Variants in STYK1 observed in about 807,000 individuals in gnomAD.
The protein encoded by STYK1 is tyrosine-protein kinase STYK1.
In STYK1, 46 loss-of-function variants were observed where a neutral mutation model predicts 48.1. The ratio of observed to expected loss-of-function variants is 0.96; its 90% CI spans 0.75 to 1.22. The LOEUF (loss-of-function observed/expected upper bound fraction) is 1.22. STYK1 is among the 50% of genes most tolerant of loss of function. STYK1 has a pLI of 0.00. For synonymous variants in STYK1, 188 were observed against 189.0 expected, an observed-to-expected ratio of 0.99 and a Z score of 0.04; for missense variants, 527 against 521.1, an observed-to-expected ratio of 1.01 and a Z score of -0.11.
intron 10 of STYK1, among the ~76,000 whole-genome samples, chr12:10,621,064 TATC>T (rs1591671832): frequency 6.6e-6 from 1 of 152,314 alleles, no homozygotes; most frequent in East Asian, 1.9e-4. Flanking sequence ...AGTAATTATT[TATC>T]ATAAGGAAAA....
intron 10 of STYK1, 78 bp from the exon 11 acceptor site, chr12:10,620,426 T>C: frequency 7.4e-7 from 1 of 1,347,654 alleles, no homozygotes; most frequent in Admixed American, 1.8e-5. Flanking sequence ...CTCACAAACT[T>C]TAACAAACAA....
At chr12:10,622,395 G>T (rs1228632802) in intron 9 of STYK1, among the ~76,000 whole-genome samples, 1 of 152,112 alleles carries the variant, frequency 6.6e-6, no homozygotes. Context: ...ATATTTTGGG[G>T]AAAATAAAGA....
Position 10,619,831 on chromosome 12 carries a change from G to A in STYK1, c.*313C>T. On this transcript the variant is annotated 3_prime_UTR_variant, in exon 11 of 11. Coordinates refer to ENST00000075503, the MANE Select transcript of STYK1 (RefSeq NM_018423.3). Reference sequence around the variant, plus strand: ...AGAGGAAACTAGCCTCGGACGGGAGGGATGAGCTTATTTGTGCCATGCCCC... The same window carrying A: ...AGAGGAAACTAGCCTCGGACGGGAGAGATGAGCTTATTTGTGCCATGCCCC... 1 of 422,776 alleles carries A rather than the reference G, an allele frequency of 2.4e-6. No individual in the cohort carries two copies. The highest frequency in any genetic ancestry group is 9.5e-5 in the South Asian group (1 of 10,486). 26.2% of individuals were successfully genotyped at this position (422,776 alleles called of 1,614,324 possible).
intron 1 of STYK1, among the ~76,000 whole-genome samples, chr12:10,648,948 G>C (rs111344034): frequency 0.013 from 2,022 of 152,250 alleles, 44 homozygotes; most frequent in African/African-American, 0.046. Context: ...CAAGGAATCT[G>C]AATGTCTACA....
At chr12:10,643,811 G>A (rs903009425) in intron 1 of STYK1, among the ~76,000 whole-genome samples, 2 of 152,164 alleles carry the variant, frequency 1.3e-5, no homozygotes, top group African/African-American at 4.8e-5. Context: ...AGTGGGCCTG[G>A]ACAGTAACAA....
intron 1 of STYK1, among the ~76,000 whole-genome samples, chr12:10,655,525 T>C (rs1947708633): frequency 6.6e-6 from 1 of 152,228 alleles, no homozygotes; most frequent in Non-Finnish European, 1.5e-5. Context: ...GTTTAGGGAA[T>C]GAGTACTTTC....
chr12:10,651,869 C>CT (rs67742758), intron 1 of STYK1, among the ~76,000 whole-genome samples: 2 of 151,476 alleles, frequency 1.3e-5, no homozygotes, highest in African/African-American at 2.4e-5. Flanking sequence ...TTGTTCTATT[C>CT]TTTTTTTTTG....
intron 2 of STYK1, among the ~76,000 whole-genome samples, chr12:10,635,400 C>G (rs1947475480): frequency 6.6e-6 from 1 of 152,058 alleles, no homozygotes; most frequent in African/African-American, 2.4e-5. Flanking sequence ...CTGAAATATC[C>G]ACACCCTCAC....
At chr12:10,667,246 G>T (rs550137195) in intron 1 of STYK1, 2 of 152,240 alleles carry the variant, frequency 1.3e-5, no homozygotes, top group South Asian at 4.1e-4. Context: ...GTAATTTAAA[G>T]CATAAAAATA....
At chr12:10,634,908 G>A (rs1947469523) in intron 2 of STYK1, among the ~76,000 whole-genome samples, 1 of 151,922 alleles carries the variant, frequency 6.6e-6, no homozygotes, top group Non-Finnish European at 1.5e-5. Flanking sequence ...ATACAGCAAA[G>A]AGCTCTGATC....
At position 10,672,245 on chromosome 12, in the gene STYK1, G is replaced by A. The variant is rs1947898217; in HGVS notation, c.-195+1721C>T. ...TTTAAGCCAGAGGTCACCAACACCC[G>A]GGGCGCCGACAGGTACGGGGTGCAC... On this transcript the variant is annotated intron_variant, in intron 1 of 10. Coordinates refer to ENST00000075503, the MANE Select transcript of STYK1 (RefSeq NM_018423.3). This position sits in a 1 kb window ranked among gnomAD's most constrained non-coding sequence, Gnocchi z 4.0. Among the ~76,000 whole-genome samples the A allele has an allele frequency of 6.6e-6, 1 of 152,134 alleles. No homozygotes were observed. The highest frequency in any genetic ancestry group is 2.4e-5 in the African/African-American group (1 of 41,412).
At chr12:10,629,027 A>G (rs1947390400) in intron 6 of STYK1, among the ~76,000 whole-genome samples, 1 of 152,154 alleles carries the variant, frequency 6.6e-6, no homozygotes, top group Non-Finnish European at 1.5e-5. Flanking sequence ...TTTCACATAC[A>G]TAATTTCTTG....
chr12:10,621,169 C>T (rs564145150), intron 10 of STYK1, among the ~76,000 whole-genome samples: 2 of 152,304 alleles, frequency 1.3e-5, no homozygotes, highest in Non-Finnish European at 2.9e-5. Context: ...CTGCTGCCTC[C>T]GTATACACAA....
intron 5 of STYK1, among the ~76,000 whole-genome samples, chr12:10,630,510 A>G (rs1165371642): frequency 6.6e-6 from 1 of 151,480 alleles, no homozygotes; most frequent in East Asian, 1.9e-4. Flanking sequence ...ATCTGTTTTA[A>G]CAGCCTCAAT....
At chr12:10,628,917 A>G (rs965498406) in intron 6 of STYK1, among the ~76,000 whole-genome samples, 2 of 152,212 alleles carry the variant, frequency 1.3e-5, no homozygotes, top group Admixed American at 6.5e-5. Flanking sequence ...TCATATAAAG[A>G]TAATTGTTAT....
intron 1 of STYK1, among the ~76,000 whole-genome samples, chr12:10,655,137 G>A (rs981953661): frequency 1.3e-5 from 2 of 152,170 alleles, no homozygotes; most frequent in Non-Finnish European, 2.9e-5. Context: ...TGAATCTGGT[G>A]TATTTTGTGC....
rs764604273 is a variant in STYK1 at position 10,627,730 on chromosome 12, G to C, written c.634-6C>G. ...CCATCCATAGTCATCACATCCTAAA[G>C]AGACAGGGAAAAAAAGCCATTATAT... On this transcript the variant is annotated splice_region_variant and splice_polypyrimidine_tract_variant and intron_variant, in intron 6 of 10. Coordinates refer to ENST00000075503, the MANE Select transcript of STYK1 (RefSeq NM_018423.3). 1.8e-5 allele frequency: 29 copies of C among 1,600,808 alleles called. No homozygotes were observed. In the Admixed American group the frequency reaches 5.0e-4, roughly 27 times the overall value.
chr12:10,656,813 T>A (rs1947724174), intron 1 of STYK1, among the ~76,000 whole-genome samples: 1 of 152,228 alleles, frequency 6.6e-6, no homozygotes, highest in Non-Finnish European at 1.5e-5. Flanking sequence ...GTTTTCCTTA[T>A]GAAACCACTA....
intron 1 of STYK1, among the ~76,000 whole-genome samples, chr12:10,642,874 T>A (rs772121962): frequency 8.5e-5 from 13 of 152,198 alleles, no homozygotes; most frequent in Non-Finnish European, 1.8e-4. Context: ...GGTATGGTAT[T>A]CATCAGGGAA....
Sources: gnomAD v4.1 joint callset for allele counts (sites outside exome capture counted in the v4.1 genomes callset) on GRCh38, gnomAD v4.1.1 for gene constraint, Gnocchi (gnomAD v3.1) non-coding constraint, MANE v1.5 for transcripts, NCBI Gene and HGNC (gene_info 2026-07-23, HGNC 2026-07-21) for gene names.